The following PCDHGA9 variants were observed in gnomAD, a reference collection of about 807,000 sequenced individuals.
PCDHGA9 encodes protocadherin gamma-A9.
In PCDHGA9, 37 loss-of-function variants were observed where a neutral mutation model predicts 62.5. The observed-to-expected ratio is 0.59, with a 90% CI of 0.46 to 0.78. The LOEUF is 0.78. Among genes scored for constraint, PCDHGA9 ranks in the 30% least tolerant of loss-of-function variants. The pLI, the probability that PCDHGA9 is intolerant of heterozygous loss-of-function variation, is 0.00. For missense variants in PCDHGA9, 1,138 were observed against 1,166.2 expected, an observed-to-expected ratio of 0.98 and a Z score of 0.35; for synonymous variants, 459 against 484.6, an observed-to-expected ratio of 0.95 and a Z score of 0.69.
chr5:141,456,103 T>C lies in PCDHGA9; in HGVS notation c.2425-38704T>C, dbSNP rs185224428. Among the ~76,000 whole-genome samples the C allele has an allele frequency of 2.6e-3, 390 of 152,142 alleles. 3 individuals are homozygous for C. The highest frequency in any genetic ancestry group is 6.7e-3 in the Admixed American group (103 of 15,290). On this transcript the variant is annotated intron_variant, in intron 1 of 3. Coordinates refer to ENST00000573521, the MANE Select transcript of PCDHGA9 (RefSeq NM_018921.3). The stretch of plus-strand genomic sequence containing the variant: ...CAGTAGAGACGGGATTTCACCGTGT[T>C]AGCCAGGATGGTCTCCATCTCCTGA...
intron 2 of PCDHGA9, among the ~76,000 whole-genome samples, chr5:141,504,354 G>C (rs1349256606): frequency 6.6e-6 from 1 of 152,100 alleles, no homozygotes; most frequent in Non-Finnish European, 1.5e-5. Flanking sequence ...TGTGCTAGGT[G>C]CTTCAGTAGG....
chr5:141,449,471 G>A (rs1261821886), intron 1 of PCDHGA9, among the ~76,000 whole-genome samples: 1 of 151,060 alleles, frequency 6.6e-6, no homozygotes, highest in African/African-American at 2.4e-5. Flanking sequence ...GCCAGGCCTG[G>A]TACCCCATGC....
chr5:141,442,485 G>A (rs1000683527), intron 1 of PCDHGA9: 2 of 152,248 alleles, frequency 1.3e-5, no homozygotes, highest in Non-Finnish European at 2.9e-5. Flanking sequence ...TGGGGAAGGG[G>A]ATGATTGTGA....
intron 1 of PCDHGA9, chr5:141,430,688 A>G: frequency 1.4e-6 from 2 of 1,402,360 alleles, no homozygotes; most frequent in Non-Finnish European, 1.9e-6. Context: ...GTCCCATTCT[A>G]TGGGCGAAGG....
chr5:141,476,656 T>C lies in PCDHGA9; in HGVS notation c.2425-18151T>C. 1 of 1,614,210 alleles carries C rather than the reference T, an allele frequency of 6.2e-7. No individual in the cohort carries two copies. Among genetic ancestry groups the C allele is most frequent in the Non-Finnish European group, 8.5e-7 (1 of 1,180,044 alleles). On this transcript the variant is annotated intron_variant, in intron 1 of 3. Coordinates refer to ENST00000573521, the MANE Select transcript of PCDHGA9 (RefSeq NM_018921.3). This position sits in a 1 kb window ranked among gnomAD's most constrained non-coding sequence, Gnocchi z 7.6. ...ATGAGCTGAGCCGAAATGAATACTT[T>C]GCGCTTCGCGTGCAGACGCGGGAGG...
intron 1 of PCDHGA9, among the ~76,000 whole-genome samples, chr5:141,461,248 C>A (rs1209563726): frequency 6.6e-6 from 1 of 152,038 alleles, no homozygotes; most frequent in Non-Finnish European, 1.5e-5. Context: ...AATTTATATT[C>A]CCAGCAGCAA....
At chr5:141,460,666 C>G (rs1245201344) in intron 1 of PCDHGA9, among the ~76,000 whole-genome samples, 1 of 151,670 alleles carries the variant, frequency 6.6e-6, no homozygotes, top group South Asian at 2.1e-4. Context: ...ACTGTAAACA[C>G]AGTTATATAT....
chr5:141,406,528 TGAC>T (rs1369720853), intron 1 of PCDHGA9, among the ~76,000 whole-genome samples: 4 of 152,246 alleles, frequency 2.6e-5, no homozygotes, highest in Non-Finnish European at 5.9e-5. Context: ...AGATATTTTC[TGAC>T]GAAGATTCAA....
rs779718690 is a variant in PCDHGA9, at chr5:141,421,727, C to G, written c.2424+16351C>G. ...AGGGATCCAGATGTGGGCGTGAACT[C>G]CCTCCAGAGCTACCAGCTCAGCCCT... On this transcript the variant is annotated intron_variant, in intron 1 of 3. Coordinates refer to ENST00000573521, the MANE Select transcript of PCDHGA9 (RefSeq NM_018921.3). The G allele has an allele frequency of 1.9e-6, 3 of 1,613,916 alleles. No individual in the cohort carries two copies. In the East Asian group the frequency reaches 6.7e-5, roughly 36 times the overall value.
intron 1 of PCDHGA9, chr5:141,419,146 GCCT>G: frequency 6.2e-7 from 1 of 1,613,922 alleles, no homozygotes; most frequent in East Asian, 2.2e-5. Context: ...ACAGGGGCAA[GCCT>G]CCGTTATCCT....
intron 1 of PCDHGA9, chr5:141,441,516 C>T (rs1034274864): frequency 4.0e-5 from 7 of 173,082 alleles, no homozygotes; most frequent in Non-Finnish European, 8.7e-5. Flanking sequence ...ACGTCGTCCA[C>T]GTGGCCAAGA....
Position 141,404,626 on chromosome 5 carries a change from T to C in PCDHGA9, c.1674T>C (p.Asn558=), listed in dbSNP as rs1443011566. Reference sequence around the variant, plus strand: ...TGTTTGTTTTGGACCAGAATGACAATGCCCCAGAAATCCTGTACCCTGCCC... The same window carrying C: ...TGTTTGTTTTGGACCAGAATGACAACGCCCCAGAAATCCTGTACCCTGCCC... ...LRLFVLDQND[N]APEILYPALP... is the part of the protein sequence containing the mutation. Residue 558 remains asparagine (N), a synonymous_variant, in exon 1 of 4, where the codon AAT becomes AAC. Coordinates refer to ENST00000573521, the MANE Select transcript of PCDHGA9 (RefSeq NM_018921.3). The C allele has an allele frequency of 1.2e-6, 2 of 1,614,164 alleles. No homozygotes were observed. Among genetic ancestry groups the C allele is most frequent in the Admixed American group, 3.3e-5 (2 of 60,020 alleles).
chr5:141,445,576 G>A (rs1459010134), intron 1 of PCDHGA9, among the ~76,000 whole-genome samples: 1 of 152,158 alleles, frequency 6.6e-6, no homozygotes, highest in Non-Finnish European at 1.5e-5. Flanking sequence ...TTATAGTAGG[G>A]AAGCTTCGCC....
intron 1 of PCDHGA9, among the ~76,000 whole-genome samples, chr5:141,468,216 T>C (rs2099160325): frequency 6.6e-6 from 1 of 150,794 alleles, no homozygotes. Flanking sequence ...TTCCAGCTAC[T>C]TGGGAGGATG....
chr5:141,403,178 T>G lies in PCDHGA9; in HGVS notation c.226T>G (p.Ser76Ala). ...CTCTAGAGGTAGGACGCAGCTTTTC[T>G]CTCTGAACCCGCGCAGCGGCACCTT... ...IVSRGRTQLF[S>A]LNPRSGTLVT... Residue 76 changes from serine to alanine, a missense_variant, in exon 1 of 4, where the codon TCT becomes GCT. Ser to Ala is a moderately conservative substitution (Grantham distance 99, BLOSUM62 1). Coordinates refer to ENST00000573521, the MANE Select transcript of PCDHGA9 (RefSeq NM_018921.3). 3 of 1,613,980 alleles carry G rather than the reference T, an allele frequency of 1.9e-6. No individual in the cohort carries two copies. Among genetic ancestry groups the G allele is most frequent in the Non-Finnish European group, 2.5e-6 (3 of 1,179,888 alleles).
chr5:141,504,824 C>T (rs537283013), intron 2 of PCDHGA9, among the ~76,000 whole-genome samples: 4 of 152,230 alleles, frequency 2.6e-5, no homozygotes, highest in South Asian at 4.1e-4. Context: ...TAGGTCCCCA[C>T]TTTTTCTCTA....
rs747671382 is a variant in PCDHGA9 at position 141,444,152 on chromosome 5, A to ATTTTTTTTTT, written c.2424+38803_2424+38812dup. 1.8e-4 allele frequency among the ~76,000 whole-genome samples: 6 copies of ATTTTTTTTTT among 33,898 alleles called. 2 individuals are homozygous for ATTTTTTTTTT. Among genetic ancestry groups the ATTTTTTTTTT allele is most frequent in the Non-Finnish European group, 3.1e-4 (6 of 19,312 alleles). The allele number at this position is 33,898 out of a possible 152,430, so 22.2% of individuals were successfully genotyped here. A position where few individuals can be genotyped will look rare whatever the true frequency, so the allele number is the denominator to read the frequency against. On this transcript the variant is annotated intron_variant, in intron 1 of 3. Coordinates refer to ENST00000573521, the MANE Select transcript of PCDHGA9 (RefSeq NM_018921.3). ...GATATGTGTCACTTGTGTGTACTGG[A>ATTTTTTTTTT]TTTTTTTTTTTTTTTTTTTTTTTTT...
intron 1 of PCDHGA9, among the ~76,000 whole-genome samples, chr5:141,461,978 C>T (rs888687367): frequency 2.6e-5 from 4 of 152,216 alleles, no homozygotes; most frequent in African/African-American, 9.6e-5. Flanking sequence ...CATATGCCAC[C>T]ACGCCAGGCT....
rs1312195504 is a variant in PCDHGA9 at position 141,429,392 on chromosome 5, A to ATTTTT, written c.2424+24016_2424+24017insTTTTT. On this transcript the variant is annotated intron_variant, in intron 1 of 3. Transcript: ENST00000573521. Reference sequence around the variant, plus strand: ...GAGAAAATGTGTTTTTTTTTTAAAAAAAATTGAGATTAAGGTCTCATTATG... The same window carrying ATTTTT: ...GAGAAAATGTGTTTTTTTTTTAAAAATTTTTAAATTGAGATTAAGGTCTCATTATG... Among the ~76,000 whole-genome samples, 131 of 152,104 alleles carry ATTTTT rather than the reference A, an allele frequency of 8.6e-4. 1 individual carries two copies. Among genetic ancestry groups the ATTTTT allele is most frequent in the Non-Finnish European group, 1.5e-3 (100 of 67,974 alleles).
Sources: gnomAD v4.1 joint callset for allele counts (sites outside exome capture counted in the v4.1 genomes callset) on GRCh38, gnomAD v4.1.1 for gene constraint, Gnocchi (gnomAD v3.1) non-coding constraint, MANE v1.5 for transcripts, NCBI Gene and HGNC (gene_info 2026-07-23, HGNC 2026-07-21) for gene names.